Variants in SLC10A7 observed in about 807,000 individuals in gnomAD.
SLC10A7 encodes solute carrier family 10 member 7.
A neutral mutation model predicts 43.2 loss-of-function variants in SLC10A7; 29 were observed. The observed-to-expected ratio is 0.67, with a 90% confidence interval of 0.50 to 0.92. The LOEUF is 0.92. Among genes scored for constraint, SLC10A7 ranks in the 40% least tolerant of loss-of-function variants. The probability of loss-of-function intolerance (pLI) is 0.00; values close to 1 mark genes in which losing one functional copy is unlikely to be tolerated. For synonymous variants in SLC10A7, 152 were observed against 144.8 expected (o/e 1.05, Z -0.35); for missense variants, 295 against 403.2 (o/e 0.73, Z 2.30).
intron 10 of SLC10A7, among the ~76,000 whole-genome samples, chr4:146,262,764 T>A (rs141198610): frequency 6.6e-6 from 1 of 152,324 alleles, no homozygotes; most frequent in East Asian, 1.9e-4. Context: ...TAAGAGCACC[T>A]CTTCCACAGT....
chr4:146,257,865 G>A (rs985730903), intron 11 of SLC10A7, among the ~76,000 whole-genome samples: 1 of 152,174 alleles, frequency 6.6e-6, no homozygotes, highest in Non-Finnish European at 1.5e-5. Context: ...CACACACAGT[G>A]CTCAATAGGT....
At chr4:146,290,424 G>A (rs1309253229) in intron 9 of SLC10A7, among the ~76,000 whole-genome samples, 1 of 151,546 alleles carries the variant, frequency 6.6e-6, no homozygotes, top group Non-Finnish European at 1.5e-5. Flanking sequence ...TTAGGCTTCA[G>A]ACAAATTCGA....
intron 4 of SLC10A7, among the ~76,000 whole-genome samples, chr4:146,453,689 G>A (rs1335283776): frequency 6.6e-6 from 1 of 151,816 alleles, no homozygotes; most frequent in Non-Finnish European, 1.5e-5. Context: ...AGCACATGGG[G>A]ACTCTTAAAT....
At chr4:146,354,734 C>T (rs937547551) in intron 5 of SLC10A7, among the ~76,000 whole-genome samples, 11 of 149,072 alleles carry the variant, frequency 7.4e-5, no homozygotes, top group African/African-American at 2.5e-4. Context: ...AATAATGCCG[C>T]ATATCTACAA....
At chr4:146,345,509 A>G (rs1240767201) in intron 5 of SLC10A7, among the ~76,000 whole-genome samples, 1 of 152,070 alleles carries the variant, frequency 6.6e-6, no homozygotes, top group Admixed American at 6.6e-5. Context: ...CCCTTGGTCT[A>G]TTCCTTGACC....
At chr4:146,463,788 A>G (rs1018778351) in intron 4 of SLC10A7, among the ~76,000 whole-genome samples, 2 of 151,990 alleles carry the variant, frequency 1.3e-5, no homozygotes, top group African/African-American at 4.8e-5. Context: ...AGATTTAGCT[A>G]AAAAGATTTT....
At chr4:146,314,450 A>G (rs536697138) in intron 6 of SLC10A7, among the ~76,000 whole-genome samples, 1 of 152,282 alleles carries the variant, frequency 6.6e-6, no homozygotes, top group South Asian at 2.1e-4. Context: ...TATCAGTCCA[A>G]TGATCACAGT....
At chr4:146,360,325 A>G (rs987091112) in intron 5 of SLC10A7, among the ~76,000 whole-genome samples, 2 of 152,162 alleles carry the variant, frequency 1.3e-5, no homozygotes, top group Non-Finnish European at 2.9e-5. Flanking sequence ...TAAGTTAATA[A>G]TAGCTAGGTT....
At chr4:146,355,324 C>G (rs943734933) in intron 5 of SLC10A7, among the ~76,000 whole-genome samples, 8 of 152,128 alleles carry the variant, frequency 5.3e-5, no homozygotes. Context: ...AAATGCAAAT[C>G]AAAACCACTA....
intron 10 of SLC10A7, among the ~76,000 whole-genome samples, chr4:146,273,137 G>A (rs976964956): frequency 3.9e-5 from 6 of 152,146 alleles, no homozygotes; most frequent in Admixed American, 1.3e-4. Context: ...ATTAGGAAGC[G>A]CAGTGACAAG....
At chr4:146,365,863 G>A (rs969564279) in intron 5 of SLC10A7, among the ~76,000 whole-genome samples, 1 of 152,218 alleles carries the variant, frequency 6.6e-6, no homozygotes, top group Non-Finnish European at 1.5e-5. Context: ...CCAGTCTGTG[G>A]CCTGTTAGGA....
chr4:146,306,721 G>A (rs1035176484), intron 6 of SLC10A7, among the ~76,000 whole-genome samples: 37 of 152,176 alleles, frequency 2.4e-4, no homozygotes, highest in African/African-American at 7.9e-4. Context: ...ACACACTCAC[G>A]TTAGCCTCCA....
chr4:146,445,441 G>A (rs1207064547), intron 4 of SLC10A7, among the ~76,000 whole-genome samples: 2 of 152,174 alleles, frequency 1.3e-5, no homozygotes, highest in East Asian at 3.9e-4. Flanking sequence ...GTGCAGACCC[G>A]CGGCAGTGTC....
intron 10 of SLC10A7, among the ~76,000 whole-genome samples, chr4:146,280,025 C>A (rs1408926916): frequency 6.6e-6 from 1 of 152,084 alleles, no homozygotes. Flanking sequence ...CAGAAAGCTT[C>A]TCAAGCAAGA....
At chr4:146,363,855 C>T (rs1433547784) in intron 5 of SLC10A7, among the ~76,000 whole-genome samples, 1 of 151,826 alleles carries the variant, frequency 6.6e-6, no homozygotes, top group Non-Finnish European at 1.5e-5. Context: ...ACAAAAGCAC[C>T]ACTAAGAGGG....
chr4:146,324,746 A>G (rs989723536), intron 6 of SLC10A7, among the ~76,000 whole-genome samples: 8 of 152,164 alleles, frequency 5.3e-5, no homozygotes, highest in Admixed American at 1.3e-4. Flanking sequence ...AGGTAGTTAC[A>G]TAATAAGTCT....
At chr4:146,509,856 AAT>A in intron 3 of SLC10A7, 55 bp downstream of exon 3, 1 of 1,512,214 alleles carries the variant, frequency 6.6e-7, no homozygotes, top group Non-Finnish European at 8.9e-7. Flanking sequence ...TAGAAACAAT[AAT>A]GTCTCTAGAG....
Position 146,254,775 on chromosome 4 carries a change from A to G in SLC10A7, c.*1716T>C, listed in dbSNP as rs1340325923. On this transcript the variant is annotated 3_prime_UTR_variant, in exon 12 of 12. Coordinates refer to ENST00000335472, the MANE Select transcript of SLC10A7 (RefSeq NM_001029998.6). ...AAAGAAACTTGTAGGAACAAAACCT[A>G]AGAGCCTTCCTGTGCTCCATAGGTA... is the stretch of plus-strand genomic sequence containing the variant. 1 of 152,198 alleles carries G rather than the reference A, an allele frequency of 6.6e-6. No individual in the cohort carries two copies. The highest frequency in any genetic ancestry group is 1.5e-5 in the Non-Finnish European group (1 of 68,030). 9.4% of individuals were successfully genotyped at this position (152,198 alleles called of 1,614,324 possible).
intron 10 of SLC10A7, among the ~76,000 whole-genome samples, chr4:146,273,473 C>A (rs951592236): frequency 3.9e-5 from 6 of 152,098 alleles, no homozygotes; most frequent in Non-Finnish European, 8.8e-5. Context: ...CCCTCAGTTT[C>A]CACATCTGAC....
Sources: gnomAD v4.1 joint callset for allele counts (sites outside exome capture counted in the v4.1 genomes callset) on GRCh38, gnomAD v4.1.1 for gene constraint, MANE v1.5 for transcripts, NCBI Gene and HGNC (gene_info 2026-07-23, HGNC 2026-07-21) for gene names.